The following WAPL variants were observed in gnomAD, a reference collection of about 807,000 sequenced individuals.
The protein encoded by WAPL is wings apart-like protein homolog.
WAPL carries 5 observed loss-of-function variants against 121.0 expected under a neutral mutation model. The ratio of observed to expected loss-of-function variants is 0.04; its 90% CI spans 0.02 to 0.09. The LOEUF is 0.09. Among genes scored for constraint, WAPL ranks in the 10% least tolerant of loss-of-function variants. The pLI is 1.00. For synonymous variants in WAPL, 480 were observed against 481.5 expected (o/e 1.00, Z 0.04); for missense variants, 999 against 1,410.8 (o/e 0.71, Z 4.68).
At chr10:86,471,615 A>AT (rs140174793) in intron 7 of WAPL, among the ~76,000 whole-genome samples, 5 of 151,486 alleles carry the variant, frequency 3.3e-5, no homozygotes, top group East Asian at 3.9e-4. Context: ...AACTTAAAAG[A>AT]TTTTTTTTTA....
At chr10:86,513,608 C>T (rs921085305) in intron 2 of WAPL, among the ~76,000 whole-genome samples, 1 of 152,148 alleles carries the variant, frequency 6.6e-6, no homozygotes, top group Non-Finnish European at 1.5e-5. Context: ...AGCCGCCACA[C>T]CCGCAACAAA....
intron 4 of WAPL, among the ~76,000 whole-genome samples, chr10:86,491,574 T>C (rs973648055): frequency 9.9e-5 from 15 of 152,122 alleles, no homozygotes; most frequent in Admixed American, 7.9e-4. Flanking sequence ...GAAAAACACA[T>C]GACTCCATGA....
At chr10:86,450,906 T>A (rs1840962560) in intron 15 of WAPL, among the ~76,000 whole-genome samples, 1 of 152,192 alleles carries the variant, frequency 6.6e-6, no homozygotes, top group African/African-American at 2.4e-5. Flanking sequence ...AAAAAATGAC[T>A]TTAAATGGCT....
intron 8 of WAPL, among the ~76,000 whole-genome samples, chr10:86,470,579 A>C (rs975407412): frequency 1.3e-5 from 2 of 152,202 alleles, no homozygotes; most frequent in Admixed American, 6.5e-5. Flanking sequence ...CATGTTCCAG[A>C]TTCAACACTG....
intron 12 of WAPL, among the ~76,000 whole-genome samples, chr10:86,457,327 T>TAAAAAAAAAAA (rs10668599): frequency 2.7e-5 from 3 of 111,226 alleles, no homozygotes; most frequent in Admixed American, 9.5e-5. Flanking sequence ...CTGTATCTAT[T>TAAAAAAAAAAA]AAAAAAAAAA....
At chr10:86,464,749 T>C (rs533631067) in intron 9 of WAPL, among the ~76,000 whole-genome samples, 2 of 152,232 alleles carry the variant, frequency 1.3e-5, no homozygotes, top group South Asian at 2.1e-4. Context: ...TGCATGAGAA[T>C]CATTTGAACC....
intron 3 of WAPL, 121 bp from the exon 4 acceptor site, chr10:86,497,440 A>G: frequency 2.7e-6 from 2 of 738,386 alleles, no homozygotes; most frequent in Non-Finnish European, 4.5e-6. Flanking sequence ...AGGAAATCAC[A>G]GCACCACAGA....
chr10:86,472,389 C>T lies in WAPL; in HGVS notation c.1894-45G>A. 6.3e-7 allele frequency: 1 copy of T among 1,578,590 alleles called. No homozygotes were observed. On this transcript the variant is annotated intron_variant, in intron 6 of 18. Transcript: ENST00000298767. The surrounding 1 kb of genome is among the most constrained non-coding windows in gnomAD (Gnocchi z 4.2). ...TCACCCCTTTTTAACTAGGAACTAG[C>T]ATATTTAAATCTATGGGCTCACTGT...
At chr10:86,475,173 TC>T (rs1276440626) in intron 4 of WAPL, among the ~76,000 whole-genome samples, 1 of 152,024 alleles carries the variant, frequency 6.6e-6, no homozygotes, top group Non-Finnish European at 1.5e-5. Flanking sequence ...ACCTACAAAA[TC>T]AAATCAAGTA....
intron 4 of WAPL, among the ~76,000 whole-genome samples, chr10:86,489,796 T>A (rs765548799): frequency 2.7e-5 from 4 of 150,434 alleles, no homozygotes; most frequent in Non-Finnish European, 4.4e-5. Context: ...ATGGGGCCAC[T>A]GGAATTCTTA....
intron 16 of WAPL, 119 bp downstream of exon 16, chr10:86,446,123 T>C (rs1849611590): frequency 2.7e-6 from 3 of 1,102,648 alleles, no homozygotes; most frequent in Non-Finnish European, 4.0e-6. Context: ...TGGACTGAAC[T>C]AGAGAGGTCC....
At chr10:86,510,884 T>C (rs1167482417) in intron 2 of WAPL, among the ~76,000 whole-genome samples, 1 of 152,200 alleles carries the variant, frequency 6.6e-6, no homozygotes, top group East Asian at 1.9e-4. Context: ...TCACCCAGGC[T>C]GTGACCCAAT....
intron 2 of WAPL, among the ~76,000 whole-genome samples, chr10:86,507,715 CACT>C (rs1270385323): frequency 6.7e-6 from 1 of 148,658 alleles, no homozygotes; most frequent in African/African-American, 2.6e-5. Context: ...TCAGATAGCC[CACT>C]GTTTTTTTTT....
chr10:86,497,333 C>A lies in WAPL; in HGVS notation c.1526-14G>T. On this transcript the variant is annotated splice_polypyrimidine_tract_variant and intron_variant, in intron 3 of 18. Transcript: ENST00000298767. ...AATCCAAGTTTTCTGAAATGGTAAT[C>A]AAAACTATCTAGCTTACTAATATTT... The A allele has an allele frequency of 1.3e-6, 2 of 1,571,734 alleles. No homozygotes were observed. Among genetic ancestry groups the A allele is most frequent in the Admixed American group, 1.7e-5 (1 of 57,910 alleles).
Position 86,510,064 on chromosome 10 carries a change from C to T in WAPL, c.499+7507G>A, listed in dbSNP as rs561574929. 1.4e-3 allele frequency among the ~76,000 whole-genome samples: 199 copies of T among 141,142 alleles called. 1 individual carries two copies. Among genetic ancestry groups the T allele is most frequent in the Non-Finnish European group, 2.4e-3 (158 of 66,310 alleles). 92.6% of individuals were successfully genotyped at this position (141,142 alleles called of 152,430 possible). A position where few individuals can be genotyped will look rare whatever the true frequency, so the allele number is the denominator to read the frequency against. On this transcript the variant is annotated intron_variant, in intron 2 of 18. Transcript: ENST00000298767. ...GATTACAGGCATCAGCCACTCCACC[C>T]GGCCTTTTTTTTTTTTTTTTTTTTT...
rs762863219 is a variant in WAPL at position 86,517,857 on chromosome 10, A to G, written c.213T>C (p.Asp71=). 6.2e-7 allele frequency: 1 copy of G among 1,614,078 alleles called. No homozygotes were observed. The highest frequency in any genetic ancestry group is 8.5e-7 in the Non-Finnish European group (1 of 1,180,006). Residue 71 remains aspartate, a synonymous_variant, in exon 2 of 19, where the codon GAT becomes GAC. Coordinates refer to ENST00000298767, the MANE Select transcript of WAPL (RefSeq NM_015045.5). ...CATCATCACTATCAAATCCAAAAGG[A>G]TCTCCAGTACTTTCTTCTTCCACTT... The part of the protein sequence containing the change: ...KPKVEEESTG[D]PFGFDSDDES...
intron 1 of WAPL, 148 bp from the exon 2 acceptor site, chr10:86,518,239 TAAAG>T (rs1238389485): frequency 7.7e-6 from 6 of 781,520 alleles, no homozygotes; most frequent in Non-Finnish European, 2.0e-6. Flanking sequence ...GGAAGGGGTA[TAAAG>T]AAAGGCTGAT....
chr10:86,436,861 T>C lies in WAPL; in HGVS notation c.*682A>G, dbSNP rs774957331. On this transcript the variant is annotated 3_prime_UTR_variant, in exon 19 of 19. Transcript: ENST00000298767. ...AGCTATGACACATTATGGTATGATA[T>C]TGAATATGGTTGTGGTCTCAAAAGT... 9 of 152,630 alleles carry C rather than the reference T, an allele frequency of 5.9e-5. No individual in the cohort carries two copies. Among genetic ancestry groups the C allele is most frequent in the East Asian group, 1.9e-4 (1 of 5,200 alleles). 9.5% of individuals were successfully genotyped at this position (152,630 alleles called of 1,614,324 possible).
intron 4 of WAPL, among the ~76,000 whole-genome samples, chr10:86,485,136 C>A (rs899419422): frequency 7.1e-6 from 1 of 140,370 alleles, no homozygotes; most frequent in Admixed American, 7.5e-5. Context: ...GATGTCAGTG[C>A]TTTCCAGCTC....
Sources: allele counts gnomAD v4.1 joint callset (sites outside exome capture counted in the v4.1 genomes callset), GRCh38; gene constraint gnomAD v4.1.1; non-coding constraint Gnocchi (gnomAD v3.1); transcripts MANE v1.5; gene names NCBI Gene and HGNC (gene_info 2026-07-23, HGNC 2026-07-21).